CPNE9: variants seen among roughly 807,000 people sequenced by gnomAD.
CPNE9 encodes copine family member 9, also known as copine-9.
A neutral mutation model predicts 83.0 loss-of-function variants in CPNE9; 59 were observed. The ratio of observed to expected loss-of-function variants is 0.71; its 90% CI spans 0.58 to 0.88. The LOEUF is 0.88. CPNE9 is among the 40% of genes least tolerant of loss of function. The pLI is 0.00. For synonymous variants in CPNE9, 256 were observed against 273.4 expected, an observed-to-expected ratio of 0.94 and a Z score of 0.63; for missense variants, 619 against 720.8, an observed-to-expected ratio of 0.86 and a Z score of 1.62.
chr3:9,728,491 T>C (rs1290271994), intron 20 of CPNE9, among the ~76,000 whole-genome samples: 1 of 151,832 alleles, frequency 6.6e-6, no homozygotes, highest in Non-Finnish European at 1.5e-5. Flanking sequence ...GGTGTGGTGG[T>C]GCATGTCTGT....
chr3:9,713,479 T>G (rs1685661560), intron 10 of CPNE9, among the ~76,000 whole-genome samples: 1 of 152,082 alleles, frequency 6.6e-6, no homozygotes, highest in Non-Finnish European at 1.5e-5. Flanking sequence ...ATAATTGGAC[T>G]GATGGGTGGG....
chr3:9,708,365 G>T lies in CPNE9; in HGVS notation c.377+2302G>T, dbSNP rs533223432. ...GAGAGAGAGAGAACCAAAGGCCAAG[G>T]CTCCACAAATTGGACCTAGAAAAGA... On this transcript the variant is annotated intron_variant, in intron 7 of 20. Coordinates refer to ENST00000383832, the MANE Select transcript of CPNE9 (RefSeq NM_153635.3). Among the ~76,000 whole-genome samples the T allele has an allele frequency of 3.3e-5, 5 of 152,302 alleles. No individual in the cohort carries two copies. The East Asian group carries it at 5.8e-4, about 18-fold the overall frequency.
chr3:9,707,523 G>A (rs571689766), intron 7 of CPNE9, among the ~76,000 whole-genome samples: 1 of 151,974 alleles, frequency 6.6e-6, no homozygotes, highest in South Asian at 2.1e-4. Flanking sequence ...CTGACAGATT[G>A]AATATGAATG....
chr3:9,705,417 T>TA, intron 4 of CPNE9, 47 bp from the exon 5 acceptor site: 2 of 570,218 alleles, frequency 3.5e-6, no homozygotes, highest in Non-Finnish European at 6.5e-6. Flanking sequence ...CTTTCCACCC[T>TA]CTCCCCCACC....
intron 18 of CPNE9, among the ~76,000 whole-genome samples, 167 bp downstream of exon 18, chr3:9,726,218 A>G (rs1390291795): frequency 6.6e-6 from 1 of 152,192 alleles, no homozygotes; most frequent in Non-Finnish European, 1.5e-5. Context: ...ATTTCCAGCA[A>G]AAGCAGTAGC....
intron 11 of CPNE9, 70 bp from the exon 12 acceptor site, chr3:9,715,219 A>G (rs1559640619): frequency 1.3e-6 from 2 of 1,530,266 alleles, no homozygotes; most frequent in Non-Finnish European, 1.8e-6. Flanking sequence ...TAGGAGGAAT[A>G]AAAGACTGGG....
chr3:9,727,749 A>G (rs2076797189), intron 20 of CPNE9, among the ~76,000 whole-genome samples: 1 of 152,198 alleles, frequency 6.6e-6, no homozygotes, highest in African/African-American at 2.4e-5. Context: ...AGGATTTTAC[A>G]TAGAGGAGTG....
rs2076814234 is a variant in CPNE9, at chr3:9,729,838, G to T, written c.*146G>T. 2 of 1,182,814 alleles carry T rather than the reference G, an allele frequency of 1.7e-6. No individual in the cohort carries two copies. Among genetic ancestry groups the T allele is most frequent in the Non-Finnish European group, 2.3e-6 (2 of 875,400 alleles). 73.3% of individuals were successfully genotyped at this position (1,182,814 alleles called of 1,614,324 possible). On this transcript the variant is annotated 3_prime_UTR_variant, in exon 21 of 21. Transcript: ENST00000383832. ...TGGCTGACAAGCCCTCCGCCTCCTTGCCTGCAGAGGGCCTGGCACTATCAC... is the reference window on the plus strand; with the variant it reads ...TGGCTGACAAGCCCTCCGCCTCCTTTCCTGCAGAGGGCCTGGCACTATCAC...
At chr3:9,714,000 G>C (rs1455531815) in intron 10 of CPNE9, among the ~76,000 whole-genome samples, 4 of 152,126 alleles carry the variant, frequency 2.6e-5, no homozygotes, top group African/African-American at 9.7e-5. Context: ...ATGAACCTGG[G>C]AAGTGGAGCT....
At chr3:9,708,394 C>T (rs947253095) in intron 7 of CPNE9, among the ~76,000 whole-genome samples, 10 of 152,168 alleles carry the variant, frequency 6.6e-5, no homozygotes, top group Admixed American at 6.5e-4. Context: ...GAAAAGAAGA[C>T]TGAGAAGGAG....
chr3:9,728,139 T>C (rs982640438), intron 20 of CPNE9, among the ~76,000 whole-genome samples: 5 of 152,060 alleles, frequency 3.3e-5, no homozygotes, highest in African/African-American at 9.7e-5. Flanking sequence ...TCTGTGACAA[T>C]TGAATGGAGT....
chr3:9,726,042 C>T lies in CPNE9; in HGVS notation c.1335C>T (p.Ala445=). Residue 445 remains alanine (A), a synonymous_variant, in exon 18 of 21, where the codon GCC becomes GCT. Coordinates refer to ENST00000383832, the MANE Select transcript of CPNE9 (RefSeq NM_153635.3). ...VISDMTQTKE[A]IVSASSLPMS... ...CTGACATGACGCAGACCAAGGAGGC[C>T]ATCGTCAGCGTGAGTCTGAGGAGGA... The T allele has an allele frequency of 6.2e-7, 1 of 1,600,262 alleles. No homozygotes were observed. Among genetic ancestry groups the T allele is most frequent in the Non-Finnish European group, 8.5e-7 (1 of 1,172,390 alleles).
In CPNE9 at chr3:9,727,135, T is replaced by A; in HGVS notation, c.1425T>A (p.Asp475Glu). Reference protein sequence around the residue: ...MFEAMEELDGDDVRVSSRGRY... With the variant: ...MFEAMEELDGEDVRVSSRGRY... ...CAGCAATGGAAGAGTTGGACGGTGA[T>A]GATGTGCGCGTGTCCTCTAGGGGAC... The change falls in exon 20 of 21, where the codon GAT (aspartate) becomes GAA (glutamate). Residue 475 changes from aspartate (D) to glutamate (E), a missense_variant. By Grantham distance (45) the Asp-to-Glu change is conservative. Around this residue, in one of 3 missense-constraint regions of CPNE9, gnomAD observed 438 missense variants for 562.9 expected, o/e 0.78. Coordinates refer to ENST00000383832, the MANE Select transcript of CPNE9 (RefSeq NM_153635.3). 1 of 1,614,094 alleles carries A rather than the reference T, an allele frequency of 6.2e-7. No homozygotes were observed. The highest frequency in any genetic ancestry group is 8.5e-7 in the Non-Finnish European group (1 of 1,180,026).
At chr3:9,714,190 ATAGATGTTATATAGTTGG>A (rs1413830617) in intron 10 of CPNE9, among the ~76,000 whole-genome samples, 2 of 152,196 alleles carry the variant, frequency 1.3e-5, no homozygotes, top group African/African-American at 2.4e-5. Flanking sequence ...AACCAGATGG[ATAGATGTTATATAGTTGG>A]TAGACAGACA....
chr3:9,707,791 C>CAAAAAAAAA (rs57310594), intron 7 of CPNE9, among the ~76,000 whole-genome samples: 8 of 49,670 alleles, frequency 1.6e-4, no homozygotes, highest in Non-Finnish European at 2.2e-4. Context: ...ACAAAAAAGA[C>CAAAAAAAAA]AAAAAAAAAA....
intron 17 of CPNE9, among the ~76,000 whole-genome samples, chr3:9,725,479 G>T (rs2076768828): frequency 6.6e-6 from 1 of 150,586 alleles, no homozygotes; most frequent in African/African-American, 2.5e-5. Flanking sequence ...AGGTTGCAGT[G>T]AGCCGAGATC....
chr3:9,724,003 G>A (rs2076755052), intron 17 of CPNE9, among the ~76,000 whole-genome samples: 1 of 152,128 alleles, frequency 6.6e-6, no homozygotes, highest in African/African-American at 2.4e-5. Context: ...GTGGATATGG[G>A]GCACTTGAAA....
rs375934 is a variant in CPNE9 at position 9,711,359 on chromosome 3, C to T, written c.378-1182C>T. Among the ~76,000 whole-genome samples, 1,049 of 150,788 alleles carry T rather than the reference C, an allele frequency of 7.0e-3. 4 individuals are homozygous for T. The highest frequency in any genetic ancestry group is 0.012 in the Non-Finnish European group (782 of 67,464). On this transcript the variant is annotated intron_variant, in intron 7 of 20. Transcript: ENST00000383832. ...CTGGCATTACAGGCGCCCGCCACCACGCCCAGCTAATTTTTTCTTTTTTTT... is the reference window on the plus strand; with the variant it reads ...CTGGCATTACAGGCGCCCGCCACCATGCCCAGCTAATTTTTTCTTTTTTTT...
At position 9,704,762 on chromosome 3, in the gene CPNE9, C is replaced by T. The variant is rs1374280025; in HGVS notation, c.123C>T (p.Tyr41=). The part of the protein sequence containing the change: ...FSKSDPMVVL[Y]TQSRASQEWR... ...CCCCACCTGCAGTGGTGGTGCTTTA[C>T]ACGCAGAGCCGGGCCAGCCAGGAGT... Residue 41 remains tyrosine, a synonymous_variant, in exon 3 of 21, where the codon TAC becomes TAT. Coordinates refer to ENST00000383832, the MANE Select transcript of CPNE9 (RefSeq NM_153635.3). This position sits in a 1 kb window ranked among gnomAD's most constrained non-coding sequence, Gnocchi z 7.1. The T allele has an allele frequency of 1.2e-6, 2 of 1,612,252 alleles. No individual in the cohort carries two copies. Among genetic ancestry groups the T allele is most frequent in the Non-Finnish European group, 1.7e-6 (2 of 1,179,570 alleles).
Sources: gnomAD v4.1 joint callset for allele counts (sites outside exome capture counted in the v4.1 genomes callset) on GRCh38, gnomAD v4.1.1 for gene constraint, gnomAD v4.1.1 regional missense constraint, Gnocchi (gnomAD v3.1) non-coding constraint, MANE v1.5 for transcripts, NCBI Gene and HGNC (gene_info 2026-07-23, HGNC 2026-07-21) for gene names.